ZNF536: variants seen among roughly 807,000 people sequenced by gnomAD.
The protein encoded by ZNF536 is zinc finger protein 536.
A neutral mutation model predicts 84.5 loss-of-function variants in ZNF536; 13 were observed. The observed-to-expected ratio is 0.15, with a 90% CI of 0.10 to 0.24. The LOEUF (loss-of-function observed/expected upper bound fraction) is 0.24, where lower values mean the gene tolerates loss of function less well. Among genes scored for constraint, ZNF536 ranks in the 10% least tolerant of loss-of-function variants. The pLI is 1.00. For synonymous variants in ZNF536, 811 were observed against 742.5 expected (o/e 1.09, Z -1.50); for missense variants, 1,536 against 1,747.5 (o/e 0.88, Z 2.16).
chr19:30,624,744 C>T (rs535725331), intron 1 of ZNF536, among the ~76,000 whole-genome samples: 1 of 152,268 alleles, frequency 6.6e-6, no homozygotes, highest in East Asian at 1.9e-4. Flanking sequence ...TTGTATCCCC[C>T]ACCCAAATCT....
chr19:30,363,954 G>T (rs2048349489), intron 3 of ZNF536, among the ~76,000 whole-genome samples: 1 of 152,180 alleles, frequency 6.6e-6, no homozygotes, highest in African/African-American at 2.4e-5. Flanking sequence ...GTCATTCCCA[G>T]CAGATGCAAG....
chr19:30,701,507 ACT>A (rs2051977064), intron 1 of ZNF536, among the ~76,000 whole-genome samples: 3 of 88,850 alleles, frequency 3.4e-5, no homozygotes, highest in African/African-American at 1.1e-4. Flanking sequence ...AGACACAAAA[ACT>A]CACAAACACA....
In ZNF536 at chr19:30,564,597, C is replaced by T. The variant is rs541972858; in HGVS notation, c.169+15083C>T. 6.6e-5 allele frequency among the ~76,000 whole-genome samples: 10 copies of T among 152,146 alleles called. No homozygotes were observed. The East Asian group carries it at 1.8e-3, about 27-fold the overall frequency. ...GTGGGTAGGGATGTTGGGGAGGCTT[C>T]GAGGGTCAGGGAGACCCCCAAGCGC... On this transcript the variant is annotated intron_variant, in intron 1 of 1. Transcript: ENST00000592773.
Position 30,548,400 on chromosome 19 carries a change from C to G in ZNF536, c.2781C>G (p.Leu927=). ...SLQAFMDSFV[L]SSLKKEKDMK... The stretch of plus-strand genomic sequence containing the variant: ...AAGCTTTCATGGACAGTTTTGTCCT[C>G]AGTTCCTTGAAGAAGGAGAAGGACA... Residue 927 remains leucine (L), a synonymous_variant, in exon 4 of 5, where the codon CTC becomes CTG. Transcript: ENST00000355537. The G allele has an allele frequency of 6.2e-7, 1 of 1,614,210 alleles. No individual in the cohort carries two copies. The highest frequency in any genetic ancestry group is 1.7e-5 in the Admixed American group (1 of 60,034).
At chr19:30,482,767 G>A (rs779889288) in intron 2 of ZNF536, among the ~76,000 whole-genome samples, 15 of 152,114 alleles carry the variant, frequency 9.9e-5, no homozygotes, top group Non-Finnish European at 1.9e-4. Flanking sequence ...TCTAATGGAC[G>A]GTCAGAGTGA....
At chr19:30,678,667 G>C (rs575561072) in intron 1 of ZNF536, among the ~76,000 whole-genome samples, 14 of 152,152 alleles carry the variant, frequency 9.2e-5, no homozygotes, top group African/African-American at 3.4e-4. Flanking sequence ...GGAGCCTTGG[G>C]AGAAATCAGA....
intron 1 of ZNF536, among the ~76,000 whole-genome samples, chr19:30,604,423 T>G (rs2047798020): frequency 6.6e-6 from 1 of 152,242 alleles, no homozygotes; most frequent in Non-Finnish European, 1.5e-5. Context: ...TTTATACTTT[T>G]ATAATGAGTG....
At chr19:30,541,047 G>T (rs1487739371) in intron 3 of ZNF536, among the ~76,000 whole-genome samples, 1 of 152,160 alleles carries the variant, frequency 6.6e-6, no homozygotes, top group African/African-American at 2.4e-5. Flanking sequence ...GGGGTGAGTG[G>T]GAGTGGAATC....
intron 2 of ZNF536, among the ~76,000 whole-genome samples, chr19:30,455,936 GT>G (rs2052818956): frequency 6.6e-6 from 1 of 151,974 alleles, no homozygotes; most frequent in African/African-American, 2.4e-5. Flanking sequence ...ATTTTTTCTT[GT>G]CATTGAACAT....
chr19:30,470,833 A>C (rs2144623140), intron 2 of ZNF536, among the ~76,000 whole-genome samples: 1 of 151,862 alleles, frequency 6.6e-6, no homozygotes, highest in East Asian at 1.9e-4. Flanking sequence ...TTATAGGTGC[A>C]TGCCACCACG....
chr19:30,658,035 T>C (rs1001856620), intron 1 of ZNF536, among the ~76,000 whole-genome samples: 1 of 150,484 alleles, frequency 6.6e-6, no homozygotes, highest in African/African-American at 2.4e-5. Flanking sequence ...CCCCTTTTTT[T>C]TCCTTCAGAT....
intron 1 of ZNF536, among the ~76,000 whole-genome samples, chr19:30,594,953 G>A (rs944299038): frequency 6.6e-6 from 1 of 152,104 alleles, no homozygotes; most frequent in South Asian, 2.1e-4. Context: ...TGTGTGCTCA[G>A]TGCTGCCCTG....
At chr19:30,707,935 C>T (rs1294462109) in intron 1 of ZNF536, among the ~76,000 whole-genome samples, 1 of 149,396 alleles carries the variant, frequency 6.7e-6, no homozygotes, top group East Asian at 2.0e-4. Context: ...CACTTGAACC[C>T]AGGAGGCAGA....
intron 2 of ZNF536, among the ~76,000 whole-genome samples, chr19:30,310,608 G>A (rs1166014200): frequency 6.6e-6 from 1 of 152,180 alleles, no homozygotes; most frequent in Non-Finnish European, 1.5e-5. Context: ...GGAGAAAGGA[G>A]AAGACGGAGC....
intron 2 of ZNF536, among the ~76,000 whole-genome samples, chr19:30,329,125 A>C (rs1240917409): frequency 6.6e-6 from 1 of 152,238 alleles, no homozygotes; most frequent in African/African-American, 2.4e-5. Flanking sequence ...AGCCCTCAAG[A>C]GTCCCTCTCG....
intron 1 of ZNF536, among the ~76,000 whole-genome samples, chr19:30,259,751 G>A (rs1027929700): frequency 1.3e-5 from 2 of 151,878 alleles, no homozygotes; most frequent in East Asian, 1.9e-4. Context: ...GGTGGTTATC[G>A]GGTGCTTCTT....
intron 1 of ZNF536, among the ~76,000 whole-genome samples, chr19:30,399,297 T>A (rs1004230539): frequency 2.6e-5 from 4 of 152,202 alleles, no homozygotes; most frequent in African/African-American, 9.6e-5. Flanking sequence ...TTAAGTTCTT[T>A]GTAGATTCTG....
intron 1 of ZNF536, among the ~76,000 whole-genome samples, chr19:30,283,316 C>G (rs1453398053): frequency 6.6e-6 from 1 of 152,160 alleles, no homozygotes; most frequent in Non-Finnish European, 1.5e-5. Context: ...TGGGGGCTGG[C>G]CTTCCTTGAT....
At chr19:30,559,216 T>C (rs1369660827), downstream of ZNF536, among the ~76,000 whole-genome samples, 1 of 152,236 alleles carries the variant, frequency 6.6e-6, no homozygotes, top group African/African-American at 2.4e-5. Context: ...CCACGACTGT[T>C]GCCTGATTCC....
Sources: gnomAD v4.1 joint callset for allele counts (sites outside exome capture counted in the v4.1 genomes callset) on GRCh38, gnomAD v4.1.1 for gene constraint, MANE v1.5 for transcripts, NCBI Gene and HGNC (gene_info 2026-07-23, HGNC 2026-07-21) for gene names.